Variants in NSD1 observed in about 807,000 individuals in gnomAD.
The protein encoded by NSD1 is histone-lysine N-methyltransferase, H3 lysine-36 specific.
NSD1 carries 26 observed loss-of-function variants against 242.7 expected under a neutral mutation model. The ratio of observed to expected loss-of-function variants is 0.11; its 90% confidence interval spans 0.08 to 0.15. NSD1 has a LOEUF of 0.15. Ranked by LOEUF, NSD1 falls within the 10% of genes least tolerant of loss-of-function variation. The pLI is 1.00. For synonymous variants in NSD1, 1,106 were observed against 1,178.1 expected (o/e 0.94, Z 1.25); for missense variants, 2,495 against 3,272.8 (o/e 0.76, Z 5.80).
chr5:177,167,529 C>CT (rs1165367297), intron 2 of NSD1, among the ~76,000 whole-genome samples: 2 of 150,932 alleles, frequency 1.3e-5, no homozygotes, highest in Non-Finnish European at 2.9e-5. Context: ...GAGCAAAACT[C>CT]TATCTCAAAA....
At position 177,295,988 on chromosome 5, in the gene NSD1, C is replaced by CA; in HGVS notation, c.*530dup. ...CTGTGAGCCTGGATTCCAAGGCTTT[C>CA]AGGAACCTTTGACCAGGAAGTAACA... On this transcript the variant is annotated 3_prime_UTR_variant, in exon 23 of 23. Coordinates refer to ENST00000439151, the MANE Select transcript of NSD1 (RefSeq NM_022455.5). The surrounding 1 kb of genome is among the most constrained non-coding windows in gnomAD (Gnocchi z 4.3). The CA allele has an allele frequency of 3.8e-6, 1 of 260,666 alleles. No individual in the cohort carries two copies. Among genetic ancestry groups the CA allele is most frequent in the Non-Finnish European group, 7.5e-6 (1 of 133,242 alleles). The allele number at this position is 260,666 out of a possible 1,614,324, so 16.1% of individuals were successfully genotyped here. A position where few individuals can be genotyped will look rare whatever the true frequency, so the allele number is the denominator to read the frequency against.
chr5:177,239,964 A>G, intron 8 of NSD1, 99 bp downstream of exon 8: 1 of 722,768 alleles, frequency 1.4e-6, no homozygotes, highest in Non-Finnish European at 2.4e-6. Context: ...ATGTACATAC[A>G]TATAGAAATT....
At chr5:177,263,110 G>A (rs552094957) in intron 14 of NSD1, among the ~76,000 whole-genome samples, 1 of 152,142 alleles carries the variant, frequency 6.6e-6, no homozygotes, top group Non-Finnish European at 1.5e-5. Context: ...ATAAAAGCAA[G>A]CTGTACCCCC....
At chr5:177,183,514 A>AT (rs1465714996) in intron 2 of NSD1, among the ~76,000 whole-genome samples, 1 of 152,152 alleles carries the variant, frequency 6.6e-6, no homozygotes, top group Non-Finnish European at 1.5e-5. Context: ...GTTTGTGTAT[A>AT]TATATTTATG....
At chr5:177,205,051 T>G (rs1004163175) in intron 4 of NSD1, among the ~76,000 whole-genome samples, 2 of 152,188 alleles carry the variant, frequency 1.3e-5, no homozygotes, top group Non-Finnish European at 2.9e-5. Context: ...TTTCTTTGTT[T>G]TTGGAGACAG....
At chr5:177,199,290 C>T (rs535528817) in intron 3 of NSD1, among the ~76,000 whole-genome samples, 2 of 152,102 alleles carry the variant, frequency 1.3e-5, no homozygotes, top group Admixed American at 1.3e-4. Context: ...CAGGGTCTTG[C>T]TTTGTTGCTC....
intron 7 of NSD1, 92 bp from the exon 8 acceptor site, chr5:177,239,664 T>C (rs578218391): frequency 2.7e-6 from 2 of 744,050 alleles, no homozygotes; most frequent in Non-Finnish European, 2.3e-6. Flanking sequence ...ATCAAAAACA[T>C]TGAGATTCAT....
intron 3 of NSD1, among the ~76,000 whole-genome samples, chr5:177,200,546 C>A (rs1006785790): frequency 4.6e-5 from 7 of 152,168 alleles, no homozygotes; most frequent in African/African-American, 1.7e-4. Flanking sequence ...CAAACTGAAA[C>A]TCTGTACCCA....
At chr5:177,147,268 A>G (rs1757330166) in intron 2 of NSD1, among the ~76,000 whole-genome samples, 1 of 151,854 alleles carries the variant, frequency 6.6e-6, no homozygotes, top group East Asian at 2.0e-4. Flanking sequence ...ACCATGCCCC[A>G]CTAATTTTTG....
chr5:177,182,044 C>T (rs1435742885), intron 2 of NSD1, among the ~76,000 whole-genome samples: 2 of 151,420 alleles, frequency 1.3e-5, no homozygotes, highest in Non-Finnish European at 2.9e-5. Flanking sequence ...CCTAGCTACT[C>T]GGGAGGCCGA....
At chr5:177,161,873 A>G (rs1388191115) in intron 2 of NSD1, among the ~76,000 whole-genome samples, 1 of 147,910 alleles carries the variant, frequency 6.8e-6, no homozygotes, top group Non-Finnish European at 1.5e-5. Flanking sequence ...CTGTTCTTGA[A>G]CTCCTGGTTT....
At chr5:177,220,502 C>T (rs1431919380) in intron 5 of NSD1, among the ~76,000 whole-genome samples, 1 of 149,538 alleles carries the variant, frequency 6.7e-6, no homozygotes, top group Admixed American at 6.6e-5. Context: ...GGTTTTCATT[C>T]ACTCAACCAC....
intron 5 of NSD1, 152 bp from the exon 6 acceptor site, chr5:177,235,669 G>A (rs1445568248): frequency 2.2e-6 from 2 of 927,798 alleles, no homozygotes; most frequent in African/African-American, 1.7e-5. Flanking sequence ...GAAAACATAA[G>A]CCATTTTGTG....
intron 3 of NSD1, among the ~76,000 whole-genome samples, chr5:177,194,424 T>A (rs938961048): frequency 6.7e-6 from 1 of 149,072 alleles, no homozygotes; most frequent in Non-Finnish European, 1.5e-5. Flanking sequence ...AGCACAGACG[T>A]GTGCCACCAC....
intron 20 of NSD1, among the ~76,000 whole-genome samples, chr5:177,286,879 A>G (rs1759380051): frequency 6.6e-6 from 1 of 151,906 alleles, no homozygotes; most frequent in Non-Finnish European, 1.5e-5. Flanking sequence ...AAATTCTCAG[A>G]CTCTTCCTCT....
chr5:177,199,695 G>A (rs1762371250), intron 3 of NSD1, among the ~76,000 whole-genome samples: 1 of 151,806 alleles, frequency 6.6e-6, no homozygotes, highest in East Asian at 1.9e-4. Context: ...TGACATCCTG[G>A]TTCAAGCAAT....
intron 20 of NSD1, among the ~76,000 whole-genome samples, chr5:177,286,312 G>A (rs1759325141): frequency 1.3e-5 from 2 of 152,120 alleles, no homozygotes. Context: ...TTCGGGTTTT[G>A]CGTTTGTTTC....
At chr5:177,201,593 C>G (rs1762512749) in intron 3 of NSD1, among the ~76,000 whole-genome samples, 1 of 147,480 alleles carries the variant, frequency 6.8e-6, no homozygotes, top group African/African-American at 2.5e-5. Context: ...TGGTGTCTCA[C>G]TCTTGTCCAG....
Position 177,211,260 on chromosome 5 carries a change from A to C in NSD1, c.2861A>C (p.Lys954Thr), listed in dbSNP as rs555067830. The C allele has an allele frequency of 1.2e-4, 192 of 1,614,068 alleles. 4 individuals carry two copies. In the South Asian group the frequency reaches 2.1e-3, roughly 17 times the overall value. ...CSTNSPVGVSKVLVSGGSTHN... is the reference protein window; with the variant it reads ...CSTNSPVGVSTVLVSGGSTHN... The stretch of plus-strand genomic sequence containing the variant: ...ACTAATAGTCCTGTAGGAGTCTCTA[A>C]GGTTTTGGTTTCAGGAGGCTCCACA... The change falls in exon 5 of 23, where the codon AAG (lysine) becomes ACG (threonine). Residue 954 changes from lysine to threonine, a missense_variant. Physicochemically the swap from Lys to Thr is moderately conservative, Grantham distance 78 (BLOSUM62 -1). This residue lies in a region of NSD1 where 121 missense variants were observed against 167.2 expected (regional missense o/e 0.72). Coordinates refer to ENST00000439151, the MANE Select transcript of NSD1 (RefSeq NM_022455.5).
Sources: gnomAD v4.1 joint callset for allele counts (sites outside exome capture counted in the v4.1 genomes callset) on GRCh38, gnomAD v4.1.1 for gene constraint, gnomAD v4.1.1 regional missense constraint, Gnocchi (gnomAD v3.1) non-coding constraint, MANE v1.5 for transcripts, NCBI Gene and HGNC (gene_info 2026-07-23, HGNC 2026-07-21) for gene names.